BEST4: variants seen among roughly 807,000 people sequenced by gnomAD.
The protein encoded by BEST4 is bestrophin 4, also known as bestrophin-4.
A neutral mutation model predicts 47.1 loss-of-function variants in BEST4; 36 were observed. The ratio of observed to expected loss-of-function variants is 0.76; its 90% CI spans 0.59 to 1.01. The LOEUF is 1.01. Among genes scored for constraint, BEST4 ranks in the 50% least tolerant of loss-of-function variants. The probability of loss-of-function intolerance (pLI) is 0.00; values close to 1 mark genes in which losing one functional copy is unlikely to be tolerated. For missense variants in BEST4, 550 were observed against 648.6 expected (o/e 0.85, Z 1.65); for synonymous variants, 250 against 277.8 (o/e 0.90, Z 1.00).
At position 44,786,846 on chromosome 1, in the gene BEST4, C is replaced by T. The variant is rs927769886; in HGVS notation, c.248-150G>A. The T allele has an allele frequency of 4.7e-6, 3 of 643,148 alleles. No homozygotes were observed. Among genetic ancestry groups the T allele is most frequent in the South Asian group, 3.9e-5 (2 of 50,898 alleles). 39.8% of individuals were successfully genotyped at this position (643,148 alleles called of 1,614,324 possible). On this transcript the variant is annotated intron_variant, in intron 2 of 8. Coordinates refer to ENST00000372207, the MANE Select transcript of BEST4 (RefSeq NM_153274.3). This position sits in a 1 kb window ranked among gnomAD's most constrained non-coding sequence, Gnocchi z 4.9. Reference sequence around the variant, plus strand: ...CATTCAGCTCCAGTGCCCTGCTGTGCGAGGCCAGGAGGAGGGAGGAGGGCA... The same window carrying T: ...CATTCAGCTCCAGTGCCCTGCTGTGTGAGGCCAGGAGGAGGGAGGAGGGCA...
At position 44,787,577 on chromosome 1, in the gene BEST4, G is replaced by T; in HGVS notation, c.129C>A (p.Tyr43Ter). 1.2e-6 allele frequency: 2 copies of T among 1,614,182 alleles called. No homozygotes were observed. Among genetic ancestry groups the T allele is most frequent in the Non-Finnish European group, 1.7e-6 (2 of 1,180,020 alleles). ...ACCGGTAGGTGATGCTAAGCACAGC[G>T]TACAAGGCCCCAAAGAGGAGGAATT... ...YKEFLLFGAL[Y>*]AVLSITYRLL... Residue 43 changes from tyrosine to a stop codon, truncating the protein, a stop_gained, in exon 1 of 9, where the codon TAC becomes TAA. Coordinates refer to ENST00000372207, the MANE Select transcript of BEST4 (RefSeq NM_153274.3). LOFTEE classifies it high-confidence loss of function.
At chr1:44,785,555 G>GACAT in intron 5 of BEST4, 44 bp downstream of exon 5, 1 of 1,486,132 alleles carries the variant, frequency 6.7e-7, no homozygotes, top group Non-Finnish European at 9.2e-7. Flanking sequence ...CACAGCACAG[G>GACAT]ACATACAGTA....
chr1:44,789,129 A>G (rs541150062), upstream of BEST4, among the ~76,000 whole-genome samples: 1 of 151,736 alleles, frequency 6.6e-6, no homozygotes, highest in South Asian at 2.1e-4. Context: ...GGTGGCACGA[A>G]CTTGTAATCC....
chr1:44,788,322 T>C (rs1484633677), upstream of BEST4, among the ~76,000 whole-genome samples: 1 of 152,226 alleles, frequency 6.6e-6, no homozygotes, highest in African/African-American at 2.4e-5. Context: ...AGGGTTGGGC[T>C]GGCCTTCGAG....
At chr1:44,785,571 T>C in intron 5 of BEST4, 28 bp downstream of exon 5, 1 of 1,527,898 alleles carries the variant, frequency 6.5e-7, no homozygotes, top group Non-Finnish European at 8.9e-7. Flanking sequence ...CAGTAGGCAC[T>C]GGGACTCGGG....
At chr1:44,789,262 AAG>A (rs1220735195), upstream of BEST4, among the ~76,000 whole-genome samples, 142 of 119,306 alleles carry the variant, frequency 1.2e-3, no homozygotes, top group African/African-American at 3.3e-3. Context: ...AAAAAAAGAA[AAG>A]AAAGAAAGAA....
rs1651215034 is a variant in BEST4 at position 44,786,235 on chromosome 1, G to C, written c.482-7C>G. 1.2e-6 allele frequency: 2 copies of C among 1,608,854 alleles called. No individual in the cohort carries two copies. The highest frequency in any genetic ancestry group is 8.5e-7 in the Non-Finnish European group (1 of 1,177,518). ...TCTTCCTGGGACATGAAACCTGAGG[G>C]GGTAAAGCAGGTGGGGTGCAGTTGC... On this transcript the variant is annotated splice_polypyrimidine_tract_variant and splice_region_variant and intron_variant, in intron 3 of 8. Transcript: ENST00000372207. The surrounding 1 kb of genome is among the most constrained non-coding windows in gnomAD (Gnocchi z 4.9).
At position 44,784,693 on chromosome 1, in the gene BEST4, A is replaced by G. The variant is rs1651155887; in HGVS notation, c.1084T>C (p.Tyr362His). 1 of 1,612,708 alleles carries G rather than the reference A, an allele frequency of 6.2e-7. No individual in the cohort carries two copies. Among genetic ancestry groups the G allele is most frequent in the African/African-American group, 1.3e-5 (1 of 75,056 alleles). ...YWDEDQPQPP[Y>H]TVATAAESLR... ...GACTCGGCCGCCGTGGCCACAGTGT[A>G]GGGTGGCTGCGGCTGGTCCTCATCC... The change falls in exon 8 of 9, where the codon TAC becomes CAC. Residue 362 changes from tyrosine (Y) to histidine (H), a missense_variant. Tyr to His is a moderately conservative substitution (Grantham distance 83). Coordinates refer to ENST00000372207, the MANE Select transcript of BEST4 (RefSeq NM_153274.3). This position sits in a 1 kb window ranked among gnomAD's most constrained non-coding sequence, Gnocchi z 6.2.
rs1304014903 is a variant in BEST4 at position 44,787,418 on chromosome 1, C to G, written c.201G>C (p.Arg67=). The stretch of plus-strand genomic sequence containing the variant: ...TGAGGTCTGCTGAGCGGTTGCAGTA[C>G]CGGGCCACCTGAGCATACACGTACC... ...EQRYVYAQVA[R]YCNRSADLIP... Residue 67 remains arginine, a synonymous_variant, in exon 2 of 9, where the codon CGG becomes CGC. Transcript: ENST00000372207. 3 of 1,614,148 alleles carry G rather than the reference C, an allele frequency of 1.9e-6. No homozygotes were observed. The highest frequency in any genetic ancestry group is 2.5e-6 in the Non-Finnish European group (3 of 1,180,022).
chr1:44,787,222 C>G (rs1651273298), intron 2 of BEST4, 150 bp downstream of exon 2: 3 of 709,154 alleles, frequency 4.2e-6, no homozygotes, highest in Non-Finnish European at 7.4e-6. Context: ...CTCAAGCGAT[C>G]CTCTCACCTC....
intron 5 of BEST4, 59 bp from the exon 6 acceptor site, chr1:44,785,364 C>G: frequency 6.7e-7 from 1 of 1,482,886 alleles, no homozygotes; most frequent in South Asian, 1.3e-5. Context: ...GAAATGCTGC[C>G]CCTGCCTCTG....
rs1322233557 is a variant in BEST4, at chr1:44,786,562, G to A, written c.382C>T (p.Leu128Phe). 5 of 1,550,484 alleles carry A rather than the reference G, an allele frequency of 3.2e-6. No homozygotes were observed. The South Asian group carries it at 5.9e-5, about 18-fold the overall frequency. Residue 128 changes from leucine to phenylalanine, a missense_variant, in exon 3 of 9, where the codon CTC (leucine) becomes TTC (phenylalanine). By Grantham distance (22) the Leu-to-Phe change is conservative (BLOSUM62 0). This residue lies in a region of BEST4 where 291 missense variants were observed against 342.4 expected (regional missense o/e 0.85). Transcript: ENST00000372207. This position sits in a 1 kb window ranked among gnomAD's most constrained non-coding sequence, Gnocchi z 4.9. ...GACGCCAGGTTCGCGTAGCGGATGAGGGTGCGGCGCAGCAGGCGGCCCCGC... is the reference window on the plus strand; with the variant it reads ...GACGCCAGGTTCGCGTAGCGGATGAAGGTGCGGCGCAGCAGGCGGCCCCGC... ...DQRGRLLRRT[L>F]IRYANLASVL...
Position 44,787,896 on chromosome 1 carries a change from C to A in BEST4, c.-191G>T, listed in dbSNP as rs1651306582. On this transcript the variant is annotated 5_prime_UTR_variant, in exon 1 of 9. Transcript: ENST00000372207. ...CCTGCAGAACTGAGCAGTACATGGG[C>A]AAAGCCAGGCTAGAGTTGGACAAGG... Among the ~76,000 whole-genome samples, 1 of 152,212 alleles carries A rather than the reference C, an allele frequency of 6.6e-6. No homozygotes were observed. The highest frequency in any genetic ancestry group is 2.4e-5 in the African/African-American group (1 of 41,452).
chr1:44,789,242 C>CAAAAAAAAA (rs778437528), upstream of BEST4, among the ~76,000 whole-genome samples: 1 of 61,430 alleles, frequency 1.6e-5, no homozygotes. Context: ...CCTGGGTAAT[C>CAAAAAAAAA]AAAAAAAAAA....
At chr1:44,782,861 A>C (rs1296513457), downstream of BEST4, among the ~76,000 whole-genome samples, 1 of 151,996 alleles carries the variant, frequency 6.6e-6, no homozygotes, top group Non-Finnish European at 1.5e-5. Flanking sequence ...TGATTTCTTT[A>C]GGTGAAGACT....
At chr1:44,787,307 A>C (rs1438998166) in intron 2 of BEST4, 65 bp downstream of exon 2, 1 of 1,538,252 alleles carries the variant, frequency 6.5e-7, no homozygotes, top group Non-Finnish European at 9.0e-7. Flanking sequence ...CGGAGCTGTC[A>C]ACCCAACCCA....
In BEST4 at chr1:44,785,160, T is replaced by G; in HGVS notation, c.860A>C (p.Tyr287Ser). ...CTGCAGCAGAGTGGTGAGAGGCACG[T>G]ACATGTCCGGGTCTCCCAGGGCTGG... ...PAPALGDPDMYVPLTTLLQFF... is the reference protein window; with the variant it reads ...PAPALGDPDMSVPLTTLLQFF... The change falls in exon 6 of 9, where the codon TAC (tyrosine) becomes TCC (serine). Residue 287 changes from tyrosine to serine, a missense_variant. Around this residue, in one of 3 missense-constraint regions of BEST4, gnomAD observed 255 missense variants for 286.6 expected, o/e 0.89. Coordinates refer to ENST00000372207, the MANE Select transcript of BEST4 (RefSeq NM_153274.3). 6.2e-7 allele frequency: 1 copy of G among 1,614,062 alleles called. No homozygotes were observed. Among genetic ancestry groups the G allele is most frequent in the Non-Finnish European group, 8.5e-7 (1 of 1,180,026 alleles).
In BEST4 at chr1:44,786,429, C is replaced by A; in HGVS notation, c.481+34G>T. On this transcript the variant is annotated intron_variant, in intron 3 of 8. Coordinates refer to ENST00000372207, the MANE Select transcript of BEST4 (RefSeq NM_153274.3). This position sits in a 1 kb window ranked among gnomAD's most constrained non-coding sequence, Gnocchi z 4.9. ...GGCGCCACCTGCATCCGGCTGTGGG[C>A]CGGACCCCCAGAGGCTCCCGGCGGG... 1 of 1,479,406 alleles carries A rather than the reference C, an allele frequency of 6.8e-7. No homozygotes were observed. The allele number at this position is 1,479,406 out of a possible 1,614,324, so 91.6% of individuals were successfully genotyped here.
upstream of BEST4, among the ~76,000 whole-genome samples, chr1:44,789,259 G>A (rs58320827): frequency 0.26 from 25,128 of 96,576 alleles, 2,707 homozygotes; most frequent in East Asian, 0.35. Flanking sequence ...AAAAAAAAAA[G>A]AAAAGAAAGA....
Sources: gnomAD v4.1 joint callset for allele counts (sites outside exome capture counted in the v4.1 genomes callset) on GRCh38, gnomAD v4.1.1 for gene constraint, gnomAD v4.1.1 regional missense constraint, Gnocchi (gnomAD v3.1) non-coding constraint, MANE v1.5 for transcripts, NCBI Gene and HGNC (gene_info 2026-07-23, HGNC 2026-07-21) for gene names.